Variants in SLC14A2 observed in about 807,000 individuals in gnomAD.
SLC14A2 encodes urea transporter 2.
In SLC14A2, 91 loss-of-function variants were observed where a neutral mutation model predicts 104.6. That is an observed-to-expected ratio of 0.87 (90% CI 0.73 to 1.04). SLC14A2 has a LOEUF of 1.04. SLC14A2 is among the 50% of genes least tolerant of loss of function. SLC14A2 has a pLI of 0.00. For synonymous variants in SLC14A2, 476 were observed against 466.4 expected (o/e 1.02, Z -0.27); for missense variants, 1,189 against 1,156.0 (o/e 1.03, Z -0.41).
the SLC14A2 span, among the ~76,000 whole-genome samples, chr18:45,182,046 A>G: frequency 1.1e-3 from 170 of 151,502 alleles, no homozygotes; most frequent in African/African-American, 4.0e-3. Context: ...GCAAATTCAC[A>G]CCATTATATG....
At position 45,414,744 on chromosome 18, in the gene SLC14A2, T is replaced by TA. The variant is rs531366886; in HGVS notation, c.-124-68475dup. On this transcript the variant is annotated intron_variant, in intron 1 of 20. Coordinates refer to the SLC14A2 transcript ENST00000586448. ...CAGGTGCGGTGCAAGGCACCGAGCG[T>TA]AAAAAAAAAAAAAATATATATATAT... Among the ~76,000 whole-genome samples the TA allele has an allele frequency of 1.9e-3, 100 of 52,324 alleles. 1 individual carries two copies. The highest frequency in any genetic ancestry group is 6.4e-3 in the Admixed American group (23 of 3,590). The allele number at this position is 52,324 out of a possible 152,430, so 34.3% of individuals were successfully genotyped here. A position where few individuals can be genotyped will look rare whatever the true frequency, so the allele number is the denominator to read the frequency against.
intron 1 of SLC14A2, among the ~76,000 whole-genome samples, chr18:45,436,031 C>A (rs2086590435): frequency 6.6e-6 from 1 of 152,120 alleles, no homozygotes; most frequent in South Asian, 2.1e-4. Context: ...AGCTCTATTA[C>A]TATTAATAGA....
intron 1 of SLC14A2, among the ~76,000 whole-genome samples, chr18:45,394,012 A>G (rs1202055640): frequency 1.3e-5 from 2 of 152,222 alleles, no homozygotes; most frequent in African/African-American, 4.8e-5. Context: ...TCTGTCCTTC[A>G]GATGGTCTGA....
At chr18:45,260,150 G>C (rs1242269295) in intron 1 of SLC14A2, among the ~76,000 whole-genome samples, 1 of 152,120 alleles carries the variant, frequency 6.6e-6, no homozygotes, top group Non-Finnish European at 1.5e-5. Context: ...GGAGAACATT[G>C]GCTTTAGGAC....
At chr18:45,316,852 G>C (rs1462151) in intron 1 of SLC14A2, among the ~76,000 whole-genome samples, 21,616 of 152,158 alleles carry the variant, frequency 0.14, 1,608 homozygotes, top group South Asian at 0.16. Context: ...TCTGCAAATA[G>C]CCAACACTAA....
intron 2 of SLC14A2, among the ~76,000 whole-genome samples, chr18:45,531,035 T>A (rs2043676789): frequency 2.0e-5 from 3 of 152,222 alleles, no homozygotes; most frequent in Admixed American, 2.0e-4. Context: ...GAACTCATCA[T>A]TTTTTATGGC....
chr18:45,208,418 A>G (rs1026935398), upstream of SLC14A2, among the ~76,000 whole-genome samples: 1 of 152,194 alleles, frequency 6.6e-6, no homozygotes, highest in African/African-American at 2.4e-5. Flanking sequence ...GCTAACGACA[A>G]GCTTATGAGT....
At chr18:45,322,225 T>A (rs1459281194) in intron 1 of SLC14A2, among the ~76,000 whole-genome samples, 2 of 152,190 alleles carry the variant, frequency 1.3e-5, no homozygotes, top group Non-Finnish European at 2.9e-5. Context: ...GTAGATAGAA[T>A]AAATTATATA....
At chr18:45,178,203 C>A in the SLC14A2 span, among the ~76,000 whole-genome samples, 1 of 151,960 alleles carries the variant, frequency 6.6e-6, no homozygotes, top group African/African-American at 2.4e-5. Flanking sequence ...ATTTGCATAT[C>A]AAAACATAAG....
At chr18:45,176,293 C>T in the SLC14A2 span, among the ~76,000 whole-genome samples, 2 of 152,164 alleles carry the variant, frequency 1.3e-5, no homozygotes, top group African/African-American at 4.8e-5. Flanking sequence ...TATGAAGAAA[C>T]TGTGCACAGA....
At chr18:45,337,810 A>G (rs1000501539) in intron 1 of SLC14A2, among the ~76,000 whole-genome samples, 1 of 152,150 alleles carries the variant, frequency 6.6e-6, no homozygotes, top group Non-Finnish European at 1.5e-5. Flanking sequence ...CCCACAATAT[A>G]TTTCTTTGGT....
chr18:45,383,800 A>G (rs1039035212), intron 1 of SLC14A2, among the ~76,000 whole-genome samples: 1 of 152,080 alleles, frequency 6.6e-6, no homozygotes, highest in Non-Finnish European at 1.5e-5. Flanking sequence ...ATAACCTTGC[A>G]TGGCTGCCCT....
chr18:45,573,857 T>C (rs1282393133), intron 2 of SLC14A2, among the ~76,000 whole-genome samples: 1 of 152,166 alleles, frequency 6.6e-6, no homozygotes, highest in Non-Finnish European at 1.5e-5. Context: ...AGACAAAATC[T>C]ACAACTGGGA....
chr18:45,612,776 G>T (rs2044993324), upstream of SLC14A2, among the ~76,000 whole-genome samples: 1 of 152,168 alleles, frequency 6.6e-6, no homozygotes, highest in East Asian at 1.9e-4. Context: ...GACCCAGTAG[G>T]AGGTGACTGG....
At chr18:45,347,947 C>T (rs1473928639) in intron 1 of SLC14A2, among the ~76,000 whole-genome samples, 1 of 152,246 alleles carries the variant, frequency 6.6e-6, no homozygotes, top group Non-Finnish European at 1.5e-5. Flanking sequence ...TATGTCCACA[C>T]ATCTGTGAGC....
chr18:45,543,996 T>G (rs918622449), intron 2 of SLC14A2, among the ~76,000 whole-genome samples: 1 of 152,252 alleles, frequency 6.6e-6, no homozygotes, highest in African/African-American at 2.4e-5. Flanking sequence ...GATAGCACTT[T>G]ACACTTATCA....
the SLC14A2 span, among the ~76,000 whole-genome samples, chr18:45,192,470 T>C: frequency 6.6e-6 from 1 of 152,206 alleles, no homozygotes; most frequent in Non-Finnish European, 1.5e-5. Flanking sequence ...GTAGGTGTTG[T>C]TTAAGGTTTT....
At chr18:45,371,984 A>G (rs1422688018) in intron 1 of SLC14A2, among the ~76,000 whole-genome samples, 2 of 152,178 alleles carry the variant, frequency 1.3e-5, no homozygotes, top group Non-Finnish European at 2.9e-5. Flanking sequence ...GGTGGGAACT[A>G]GAGCTTCTAA....
intron 10 of SLC14A2, among the ~76,000 whole-genome samples, chr18:45,644,633 C>CATTACACTGATTACACT (rs2045588247): frequency 6.6e-6 from 1 of 152,002 alleles, no homozygotes; most frequent in South Asian, 2.1e-4. Flanking sequence ...CTAATGACCA[C>CATTACACTGATTACACT]AAAGAGAGGA....
Sources: gnomAD v4.1 joint callset for allele counts (sites outside exome capture counted in the v4.1 genomes callset) on GRCh38, gnomAD v4.1.1 for gene constraint, MANE v1.5 for transcripts, NCBI Gene and HGNC (gene_info 2026-07-23, HGNC 2026-07-21) for gene names.